Variants in PCDHA4 observed in about 807,000 individuals in gnomAD.
PCDHA4 encodes the protein protocadherin alpha 4.
Under a neutral mutation model 61.4 loss-of-function variants are expected in PCDHA4, and 49 were observed. That is an observed-to-expected ratio of 0.80 (90% CI 0.63 to 1.01). The LOEUF is 1.01. Among genes scored for constraint, PCDHA4 ranks in the 50% least tolerant of loss-of-function variants. The pLI is 0.00. For synonymous variants in PCDHA4, 590 were observed against 550.3 expected, an observed-to-expected ratio of 1.07 and a Z score of -1.01; for missense variants, 1,254 against 1,235.8, an observed-to-expected ratio of 1.01 and a Z score of -0.22.
intron 1 of PCDHA4, among the ~76,000 whole-genome samples, chr5:140,975,683 G>A (rs1226769029): frequency 2.0e-5 from 3 of 151,934 alleles, no homozygotes; most frequent in Non-Finnish European, 2.9e-5. Context: ...AATAAAATAG[G>A]GTATTTTAAA....
chr5:140,830,597 T>A (rs1331497388), intron 1 of PCDHA4: 2 of 693,358 alleles, frequency 2.9e-6, no homozygotes, highest in Non-Finnish European at 4.3e-6. Flanking sequence ...TTTACAAAAT[T>A]ACATATTTTC....
At chr5:140,864,170 G>A (rs1301709115) in intron 1 of PCDHA4, 1 of 152,166 alleles carries the variant, frequency 6.6e-6, no homozygotes, top group Non-Finnish European at 1.5e-5. Context: ...TTACCGGAAG[G>A]ATCATGATGA....
At chr5:140,850,708 C>T (rs1554144815) in intron 1 of PCDHA4, 8 of 1,597,900 alleles carry the variant, frequency 5.0e-6, no homozygotes, top group Admixed American at 3.4e-5. Flanking sequence ...GGCAAGCCGA[C>T]GCTGGTGTGT....
At chr5:140,876,154 A>T (rs781957040) in intron 1 of PCDHA4, 4 of 1,613,972 alleles carry the variant, frequency 2.5e-6, no homozygotes, top group Non-Finnish European at 2.5e-6. Context: ...GTCTGTCCAG[A>T]TTCAAATAAC....
At chr5:140,926,947 G>C in intron 1 of PCDHA4, 1 of 1,590,600 alleles carries the variant, frequency 6.3e-7, no homozygotes, top group Non-Finnish European at 8.6e-7. Context: ...CGGCGCTGCA[G>C]CGGGACAGCT....
At chr5:141,009,391 C>T (rs1006846075) in intron 3 of PCDHA4, among the ~76,000 whole-genome samples, 1 of 152,086 alleles carries the variant, frequency 6.6e-6, no homozygotes, top group Non-Finnish European at 1.5e-5. Context: ...CACAGGAGGT[C>T]GAGGCTGCAG....
chr5:140,846,638 T>A (rs1554141417), intron 1 of PCDHA4, among the ~76,000 whole-genome samples: 1 of 149,216 alleles, frequency 6.7e-6, no homozygotes, highest in Non-Finnish European at 1.5e-5. Flanking sequence ...CCTCCTAAAG[T>A]GCTGGGATTA....
intron 1 of PCDHA4, chr5:140,848,467 A>C: frequency 6.5e-7 from 1 of 1,545,570 alleles, no homozygotes; most frequent in Non-Finnish European, 8.8e-7. Context: ...GGCAATTTTC[A>C]CTAATTAGAA....
chr5:140,897,253 T>C (rs1481151592), intron 1 of PCDHA4, among the ~76,000 whole-genome samples: 1 of 151,928 alleles, frequency 6.6e-6, no homozygotes, highest in East Asian at 1.9e-4. Flanking sequence ...TACATATGTA[T>C]ACATGTGCCA....
In PCDHA4 at chr5:140,809,039, G is replaced by T. The variant is rs782455641; in HGVS notation, c.1852G>T (p.Ala618Ser). Residue 618 changes from alanine (A) to serine (S), a missense_variant, in exon 1 of 4, where the codon GCG becomes TCG. Transcript: ENST00000530339. ...CGAGCTGCAGCCGGGGACTGGTGGC[G>T]CGCGCATCCCGTTCCGCGTGGGGCT... ...SYELQPGTGG[A>S]RIPFRVGLYT... 2 of 1,613,744 alleles carry T rather than the reference G, an allele frequency of 1.2e-6. No individual in the cohort carries two copies. Among genetic ancestry groups the T allele is most frequent in the African/African-American group, 1.3e-5 (1 of 74,938 alleles).
At chr5:140,850,464 C>A (rs2041620287) in intron 1 of PCDHA4, 1 of 1,597,872 alleles carries the variant, frequency 6.3e-7, no homozygotes, top group Non-Finnish European at 8.6e-7. Flanking sequence ...CCACGGGGAG[C>A]CAGCGCTGAC....
chr5:140,886,659 C>T (rs782545078), intron 1 of PCDHA4, among the ~76,000 whole-genome samples: 4 of 151,858 alleles, frequency 2.6e-5, no homozygotes, highest in African/African-American at 4.8e-5. Context: ...AACCCTGTCT[C>T]TACTAAAAAT....
At chr5:140,962,494 A>T (rs1016662619) in intron 1 of PCDHA4, among the ~76,000 whole-genome samples, 4 of 152,130 alleles carry the variant, frequency 2.6e-5, no homozygotes, top group Admixed American at 2.6e-4. Context: ...CAATTTTCAG[A>T]CACCTCAGCC....
In PCDHA4 at chr5:140,807,132, T is replaced by G; in HGVS notation, c.-56T>G. ...TGCACTTGACTGACCGATTAAAAGATTTCCCTTGACTTTGAGAAACGATAT... is the reference window on the plus strand; with the variant it reads ...TGCACTTGACTGACCGATTAAAAGAGTTCCCTTGACTTTGAGAAACGATAT... On this transcript the variant is annotated 5_prime_UTR_variant, in exon 1 of 4. Coordinates refer to ENST00000530339, the MANE Select transcript of PCDHA4 (RefSeq NM_018907.4). 6.4e-7 allele frequency: 1 copy of G among 1,559,298 alleles called. No individual in the cohort carries two copies. Among genetic ancestry groups the G allele is most frequent in the Non-Finnish European group, 8.7e-7 (1 of 1,149,754 alleles).
chr5:140,836,379 C>G (rs2150259226), intron 1 of PCDHA4: 1 of 1,613,734 alleles, frequency 6.2e-7, no homozygotes, highest in East Asian at 2.2e-5. Context: ...AGCCACCGTG[C>G]TGGTGTCGCT....
chr5:140,882,119 T>C, intron 1 of PCDHA4: 1 of 1,438,056 alleles, frequency 7.0e-7, no homozygotes, highest in South Asian at 1.4e-5. Context: ...AGCCGCCGTT[T>C]CTTTCTTCCT....
chr5:140,928,368 A>G, intron 1 of PCDHA4: 3 of 1,614,212 alleles, frequency 1.9e-6, no homozygotes, highest in Non-Finnish European at 2.5e-6. Context: ...CTGAAGGGCC[A>G]TCAGCCTCTA....
chr5:140,976,623 A>T (rs2096725019), intron 1 of PCDHA4, among the ~76,000 whole-genome samples: 1 of 152,206 alleles, frequency 6.6e-6, no homozygotes, highest in Non-Finnish European at 1.5e-5. Context: ...CTGTCAGCTG[A>T]ACTCAGCAAT....
rs782778779 is a variant in PCDHA4, at chr5:140,858,081, C to T, written c.2385+48509C>T. ...GAGGGCAGCCAGGCACCCAAGGCCT[C>T]GTCGCGGGCTTCAGTGGGCGTGGCG... On this transcript the variant is annotated intron_variant, in intron 1 of 3. Transcript: ENST00000530339. The T allele has an allele frequency of 6.9e-6, 11 of 1,597,646 alleles. 3 individuals are homozygous for T. The highest frequency in any genetic ancestry group is 1.7e-5 in the Admixed American group (1 of 59,270).
Sources: gnomAD v4.1 joint callset for allele counts (sites outside exome capture counted in the v4.1 genomes callset) on GRCh38, gnomAD v4.1.1 for gene constraint, MANE v1.5 for transcripts, NCBI Gene and HGNC (gene_info 2026-07-23, HGNC 2026-07-21) for gene names.